Variants in SLC17A8 observed in about 807,000 individuals in gnomAD.
SLC17A8 encodes the protein solute carrier family 17 member 8.
SLC17A8 carries 31 observed loss-of-function variants against 58.0 expected under a neutral mutation model. The ratio of observed to expected loss-of-function variants is 0.53; its 90% CI spans 0.40 to 0.72. SLC17A8 has a LOEUF of 0.72. SLC17A8 is among the 30% of genes least tolerant of loss of function. The pLI is 0.00. For missense variants in SLC17A8, 655 were observed against 727.8 expected, an observed-to-expected ratio of 0.90 and a Z score of 1.15; for synonymous variants, 228 against 249.0, an observed-to-expected ratio of 0.92 and a Z score of 0.79.
In SLC17A8 at chr12:100,371,831, G is replaced by C. The variant is rs1482557208; in HGVS notation, c.102-8870G>C. Among the ~76,000 whole-genome samples the C allele has an allele frequency of 2.0e-5, 3 of 152,306 alleles. No homozygotes were observed. In the South Asian group the frequency reaches 6.2e-4, roughly 32 times the overall value. On this transcript the variant is annotated intron_variant, in intron 1 of 11. Transcript: ENST00000323346. ...TCCAAATTGTTGGGATTACAGCCGTGAGCCACCGTGCCCAGCTGGGCAAGG... is the reference window on the plus strand; with the variant it reads ...TCCAAATTGTTGGGATTACAGCCGTCAGCCACCGTGCCCAGCTGGGCAAGG...
Position 100,357,502 on chromosome 12 carries a change from G to A in SLC17A8, c.101+10G>A, listed in dbSNP as rs1161891171. The A allele has an allele frequency of 6.4e-7, 1 of 1,555,630 alleles. No individual in the cohort carries two copies. The highest frequency in any genetic ancestry group is 8.9e-7 in the Non-Finnish European group (1 of 1,126,690). The stretch of plus-strand genomic sequence containing the variant: ...TGGGAATTTTACAAAGGTAAAGTTT[G>A]AATGCGAACTTTAGTTCCTTTCTGA... On this transcript the variant is annotated intron_variant, in intron 1 of 11. Transcript: ENST00000323346.
intron 11 of SLC17A8, among the ~76,000 whole-genome samples, chr12:100,419,152 C>G (rs1450200566): frequency 2.0e-5 from 3 of 152,118 alleles, no homozygotes; most frequent in Non-Finnish European, 4.4e-5. Context: ...CGGTGGGTTC[C>G]TAAAACAATT....
chr12:100,376,551 T>G (rs1481888391), intron 1 of SLC17A8, among the ~76,000 whole-genome samples: 1 of 152,230 alleles, frequency 6.6e-6, no homozygotes. Context: ...CTGTGTGACC[T>G]TGGCCAATTT....
chr12:100,386,869 A>G (rs1207976901), intron 2 of SLC17A8, among the ~76,000 whole-genome samples: 3 of 151,974 alleles, frequency 2.0e-5, no homozygotes, highest in Admixed American at 1.3e-4. Flanking sequence ...TTATATTTTT[A>G]GTAGAGACGG....
intron 1 of SLC17A8, among the ~76,000 whole-genome samples, chr12:100,376,959 G>A (rs962840767): frequency 2.0e-5 from 3 of 152,036 alleles, no homozygotes; most frequent in East Asian, 1.9e-4. Flanking sequence ...ACAGGTGCTC[G>A]CCACCATGCC....
At position 100,380,923 on chromosome 12, in the gene SLC17A8, C is replaced by T. The variant is rs142295914; in HGVS notation, c.324C>T (p.Thr108=). ...VAIVEMVNNS[T]VYVDGKPEIQ... ...TTGTGGAAATGGTCAACAATAGCAC[C>T]GTATATGTTGATGGAAAACCGGAAA... Residue 108 remains threonine (T), a synonymous_variant, in exon 2 of 12, where the codon ACC becomes ACT. Transcript: ENST00000323346. The T allele has an allele frequency of 2.5e-6, 4 of 1,613,896 alleles. No individual in the cohort carries two copies. Among genetic ancestry groups the T allele is most frequent in the East Asian group, 2.2e-5 (1 of 44,900 alleles).
At chr12:100,419,357 A>C (rs1004365205) in intron 11 of SLC17A8, among the ~76,000 whole-genome samples, 21 of 151,676 alleles carry the variant, frequency 1.4e-4, no homozygotes, top group Non-Finnish European at 2.8e-4. Flanking sequence ...ACACAGTGAA[A>C]CCCCGCCTCT....
intron 2 of SLC17A8, among the ~76,000 whole-genome samples, chr12:100,383,615 G>C (rs1224812147): frequency 6.6e-6 from 1 of 152,150 alleles, no homozygotes; most frequent in Non-Finnish European, 1.5e-5. Context: ...TTCAAAAGAA[G>C]GAGAGAAATA....
At chr12:100,411,491 T>A (rs563313987) in intron 9 of SLC17A8, among the ~76,000 whole-genome samples, 27 of 151,764 alleles carry the variant, frequency 1.8e-4, no homozygotes, top group East Asian at 3.9e-4. Context: ...AAAGAAAAAA[T>A]AAATAAATAA....
chr12:100,412,587 A>C (rs1952876560), intron 9 of SLC17A8, among the ~76,000 whole-genome samples, 183 bp from the exon 10 acceptor site: 2 of 150,692 alleles, frequency 1.3e-5, no homozygotes, highest in Non-Finnish European at 2.9e-5. Flanking sequence ...AACTTCAAGT[A>C]AAGTTAAAAA....
At chr12:100,408,555 C>A (rs1251021624) in intron 9 of SLC17A8, among the ~76,000 whole-genome samples, 10 of 152,216 alleles carry the variant, frequency 6.6e-5, no homozygotes, top group Non-Finnish European at 1.5e-4. Context: ...GCTCCTGAAA[C>A]ATGCAGCCCT....
chr12:100,379,067 C>T (rs1397426568), intron 1 of SLC17A8, among the ~76,000 whole-genome samples: 1 of 152,194 alleles, frequency 6.6e-6, no homozygotes, highest in Non-Finnish European at 1.5e-5. Context: ...CAATATATAT[C>T]TGATGAACTG....
intron 2 of SLC17A8, among the ~76,000 whole-genome samples, chr12:100,383,801 T>A (rs538750927): frequency 6.6e-6 from 1 of 151,816 alleles, no homozygotes; most frequent in East Asian, 1.9e-4. Context: ...CCTCCTGGGC[T>A]TAAGTGATCC....
intron 10 of SLC17A8, among the ~76,000 whole-genome samples, chr12:100,416,982 T>C (rs1952910602): frequency 6.6e-6 from 1 of 152,234 alleles, no homozygotes; most frequent in Admixed American, 6.5e-5. Flanking sequence ...CTCAGCTCGC[T>C]GTAACCTCCA....
intron 1 of SLC17A8, among the ~76,000 whole-genome samples, chr12:100,374,786 A>G (rs1054215035): frequency 3.0e-4 from 45 of 152,172 alleles, no homozygotes; most frequent in East Asian, 9.7e-4. Flanking sequence ...TCCTGAGCCC[A>G]TGATCCCTTG....
intron 1 of SLC17A8, among the ~76,000 whole-genome samples, chr12:100,369,897 A>G (rs1952546956): frequency 6.6e-6 from 1 of 152,228 alleles, no homozygotes; most frequent in African/African-American, 2.4e-5. Flanking sequence ...CAGTGCAAGT[A>G]TAACGTTAAA....
At chr12:100,388,163 A>T (rs1295157032) in intron 2 of SLC17A8, among the ~76,000 whole-genome samples, 1 of 152,132 alleles carries the variant, frequency 6.6e-6, no homozygotes, top group Non-Finnish European at 1.5e-5. Context: ...TGACCATATG[A>T]CTTGCTCCCT....
chr12:100,403,951 G>A, intron 8 of SLC17A8, 87 bp from the exon 9 acceptor site: 1 of 1,482,624 alleles, frequency 6.7e-7, no homozygotes, highest in Non-Finnish European at 9.4e-7. Flanking sequence ...AGGTAGGGGG[G>A]CTGTGGAGTG....
At chr12:100,408,750 T>C (rs1952844349) in intron 9 of SLC17A8, among the ~76,000 whole-genome samples, 1 of 152,208 alleles carries the variant, frequency 6.6e-6, no homozygotes, top group Non-Finnish European at 1.5e-5. Flanking sequence ...TTCTGCATGC[T>C]TCTGTTCAGA....
Sources: gnomAD v4.1 joint callset for allele counts (sites outside exome capture counted in the v4.1 genomes callset) on GRCh38, gnomAD v4.1.1 for gene constraint, MANE v1.5 for transcripts, NCBI Gene and HGNC (gene_info 2026-07-23, HGNC 2026-07-21) for gene names.